FARS2: variants seen among roughly 807,000 people sequenced by gnomAD.
FARS2 encodes the protein phenylalanyl-tRNA synthetase 2, mitochondrial.
In FARS2, 40 loss-of-function variants were observed where a neutral mutation model predicts 46.4. That is an observed-to-expected ratio of 0.86 (90% CI 0.67 to 1.12). The LOEUF (loss-of-function observed/expected upper bound fraction) is 1.12. FARS2 is among the 50% of genes most tolerant of loss of function. The pLI, the probability that FARS2 is intolerant of heterozygous loss-of-function variation, is 0.00. For missense variants in FARS2, 513 were observed against 567.9 expected, an observed-to-expected ratio of 0.90 and a Z score of 0.98; for synonymous variants, 234 against 214.9, an observed-to-expected ratio of 1.09 and a Z score of -0.78.
At chr6:5,410,022 G>A (rs1761844607) in intron 3 of FARS2, among the ~76,000 whole-genome samples, 1 of 152,204 alleles carries the variant, frequency 6.6e-6, no homozygotes, top group African/African-American at 2.4e-5. Context: ...GAGTGAGAGG[G>A]TCTGTATCAC....
At chr6:5,511,195 A>T (rs1330107561) in intron 4 of FARS2, among the ~76,000 whole-genome samples, 1 of 152,238 alleles carries the variant, frequency 6.6e-6, no homozygotes, top group African/African-American at 2.4e-5. Context: ...AGATGCCAAG[A>T]TGAAGATTTT....
At position 5,511,800 on chromosome 6, in the gene FARS2, AT is replaced by A. The variant is rs573598106; in HGVS notation, c.905-33379del. ...TAGCTTTGAGGGATCTAGAAGTCTC[AT>A]AAGCACCCCTTTTATTTCTCTGAGT... On this transcript the variant is annotated intron_variant, in intron 4 of 6. Transcript: ENST00000274680. 2.3e-3 allele frequency among the ~76,000 whole-genome samples: 351 copies of A among 152,304 alleles called. 1 individual carries two copies. The highest frequency in any genetic ancestry group is 8.0e-3 in the African/African-American group (333 of 41,564).
Position 5,368,718 on chromosome 6 carries a change from G to T in FARS2, c.148G>T (p.Val50Leu). The change falls in exon 2 of 7, where the codon GTG (valine) becomes TTG (leucine). Residue 50 changes from valine (V) to leucine (L), a missense_variant. Physicochemically the swap from Val to Leu is conservative, Grantham distance 32. Transcript: ENST00000274680. ...TGCCACCCAAAGAGCTCCAGGCAGTGTGGTGGAGCTGCTGGGCAAATCCTA... is the reference window on the plus strand; with the variant it reads ...TGCCACCCAAAGAGCTCCAGGCAGTTTGGTGGAGCTGCTGGGCAAATCCTA... ...ECATQRAPGS[V>L]VELLGKSYPQ... 1 of 1,614,172 alleles carries T rather than the reference G, an allele frequency of 6.2e-7. No individual in the cohort carries two copies. The highest frequency in any genetic ancestry group is 8.5e-7 in the Non-Finnish European group (1 of 1,180,038).
At chr6:5,392,899 GTATATATTATATATA>G (rs2127695646) in intron 2 of FARS2, among the ~76,000 whole-genome samples, 1 of 94,940 alleles carries the variant, frequency 1.1e-5, no homozygotes, top group Admixed American at 1.2e-4. Flanking sequence ...ATATATGTGT[GTATATATTATATATA>G]TGTATATATA....
chr6:5,370,850 TGC>T (rs1465878408), intron 2 of FARS2, among the ~76,000 whole-genome samples: 2 of 152,236 alleles, frequency 1.3e-5, no homozygotes, highest in African/African-American at 4.8e-5. Flanking sequence ...CTATATATTC[TGC>T]GTATAGTTAA....
At chr6:5,326,163 G>C (rs1327643202) in intron 1 of FARS2, among the ~76,000 whole-genome samples, 1 of 152,174 alleles carries the variant, frequency 6.6e-6, no homozygotes, top group East Asian at 1.9e-4. Flanking sequence ...GGCCCAATAT[G>C]GCTGAATGCA....
At chr6:5,456,102 C>G (rs1764840237) in intron 4 of FARS2, among the ~76,000 whole-genome samples, 1 of 152,040 alleles carries the variant, frequency 6.6e-6, no homozygotes, top group Non-Finnish European at 1.5e-5. Context: ...TGTAGTCCAG[C>G]TACTTGGAGG....
chr6:5,588,575 CTTTG>C (rs1773748875), intron 5 of FARS2, among the ~76,000 whole-genome samples: 6 of 152,180 alleles, frequency 3.9e-5, no homozygotes, highest in African/African-American at 1.2e-4. Context: ...TTTCGCTTTT[CTTTG>C]ACCTCTGCCC....
At chr6:5,325,778 A>G (rs1430451298) in intron 1 of FARS2, among the ~76,000 whole-genome samples, 2 of 152,196 alleles carry the variant, frequency 1.3e-5, no homozygotes, top group African/African-American at 2.4e-5. Flanking sequence ...AATATTTGCA[A>G]TATATATGAT....
chr6:5,770,117 C>T (rs1561846527), intron 6 of FARS2, among the ~76,000 whole-genome samples: 1 of 152,164 alleles, frequency 6.6e-6, no homozygotes, highest in Non-Finnish European at 1.5e-5. Context: ...CGGGAGGACC[C>T]TGGAAGCAAA....
intron 3 of FARS2, among the ~76,000 whole-genome samples, chr6:5,420,501 C>T (rs1389442868): frequency 6.6e-6 from 1 of 152,170 alleles, no homozygotes; most frequent in Non-Finnish European, 1.5e-5. Context: ...TGGGTAAATA[C>T]AGCCTTTCCA....
intron 1 of FARS2, among the ~76,000 whole-genome samples, chr6:5,274,366 G>A (rs370020060): frequency 7.2e-5 from 11 of 152,284 alleles, no homozygotes; most frequent in African/African-American, 2.6e-4. Context: ...TCATAGCCAG[G>A]CATAGCCACA....
At chr6:5,639,290 G>C (rs780935880) in intron 6 of FARS2, among the ~76,000 whole-genome samples, 29 of 152,312 alleles carry the variant, frequency 1.9e-4, no homozygotes, top group Non-Finnish European at 4.0e-4. Context: ...CATATTCCCA[G>C]TGCCAGGGCC....
chr6:5,424,550 A>G (rs570449848), intron 3 of FARS2, among the ~76,000 whole-genome samples: 3 of 152,332 alleles, frequency 2.0e-5, no homozygotes, highest in East Asian at 1.9e-4. Context: ...AGTACACACT[A>G]TGCTGCTTGT....
intron 4 of FARS2, among the ~76,000 whole-genome samples, chr6:5,473,478 G>A (rs867922727): frequency 2.8e-5 from 4 of 145,176 alleles, no homozygotes; most frequent in Admixed American, 7.2e-5. Flanking sequence ...AGTGAGCTGA[G>A]ATTGTGCCAC....
At chr6:5,468,751 C>T (rs1765651623) in intron 4 of FARS2, among the ~76,000 whole-genome samples, 1 of 152,154 alleles carries the variant, frequency 6.6e-6, no homozygotes, top group Non-Finnish European at 1.5e-5. Flanking sequence ...GAATGCGATG[C>T]TAGCATGCTG....
intron 6 of FARS2, among the ~76,000 whole-genome samples, chr6:5,746,629 A>AGGGT (rs1306904765): frequency 7.1e-6 from 1 of 140,020 alleles, no homozygotes; most frequent in Non-Finnish European, 1.5e-5. Context: ...GGGCTCTGTC[A>AGGGT]GGAGAAAGCA....
At chr6:5,673,187 G>C (rs149916531) in intron 6 of FARS2, among the ~76,000 whole-genome samples, 1 of 152,158 alleles carries the variant, frequency 6.6e-6, no homozygotes, top group Non-Finnish European at 1.5e-5. Flanking sequence ...AATTAGAGAA[G>C]CACTGTCTAC....
chr6:5,733,591 T>G (rs1760778873), intron 6 of FARS2, among the ~76,000 whole-genome samples: 1 of 152,246 alleles, frequency 6.6e-6, no homozygotes, highest in Admixed American at 6.5e-5. Context: ...GCCCTAATTT[T>G]AATCATGCTG....
Sources: gnomAD v4.1 joint callset for allele counts (sites outside exome capture counted in the v4.1 genomes callset) on GRCh38, gnomAD v4.1.1 for gene constraint, MANE v1.5 for transcripts, NCBI Gene and HGNC (gene_info 2026-07-23, HGNC 2026-07-21) for gene names.